The following CHN1 variants were observed in gnomAD, a reference collection of about 807,000 sequenced individuals.
The protein encoded by CHN1 is chimerin 1.
A neutral mutation model predicts 59.5 loss-of-function variants in CHN1; 37 were observed. That is an observed-to-expected ratio of 0.62 (90% confidence interval 0.48 to 0.82). The LOEUF (loss-of-function observed/expected upper bound fraction) is 0.82, where lower values mean the gene tolerates loss of function less well. Among genes scored for constraint, CHN1 ranks in the 40% least tolerant of loss-of-function variants. CHN1 has a pLI of 0.00. For synonymous variants in CHN1, 206 were observed against 200.4 expected, an observed-to-expected ratio of 1.03 and a Z score of -0.24; for missense variants, 469 against 571.0, an observed-to-expected ratio of 0.82 and a Z score of 1.82.
chr2:174,998,344 A>C (rs1363434952), intron 1 of CHN1, among the ~76,000 whole-genome samples: 1 of 150,230 alleles, frequency 6.7e-6, no homozygotes, highest in Non-Finnish European at 1.5e-5. Flanking sequence ...AAAAAAAAAA[A>C]CATACTTTAA....
intron 11 of CHN1, among the ~76,000 whole-genome samples, chr2:174,803,094 G>A (rs1039871226): frequency 1.3e-5 from 2 of 152,098 alleles, no homozygotes; most frequent in Admixed American, 1.3e-4. Flanking sequence ...ACTCCATGCT[G>A]CTGAGTCCTA....
chr2:174,920,414 A>G (rs1181173486), intron 3 of CHN1, among the ~76,000 whole-genome samples: 1 of 152,170 alleles, frequency 6.6e-6, no homozygotes, highest in African/African-American at 2.4e-5. Flanking sequence ...AACTTATTCA[A>G]GGTTACTTGT....
At chr2:174,800,908 A>G (rs1684698764) in intron 12 of CHN1, among the ~76,000 whole-genome samples, 1 of 152,272 alleles carries the variant, frequency 6.6e-6, no homozygotes, top group African/African-American at 2.4e-5. Context: ...TTGTAAGCAC[A>G]TTAAACAAAG....
At chr2:174,835,205 G>A (rs911473647) in intron 7 of CHN1, among the ~76,000 whole-genome samples, 2 of 152,150 alleles carry the variant, frequency 1.3e-5, no homozygotes, top group Admixed American at 6.6e-5. Context: ...CCATCATAAG[G>A]TCAAAAATCA....
In CHN1 at chr2:175,005,059, C is replaced by A; in HGVS notation, c.-147G>T. On this transcript the variant is annotated 5_prime_UTR_variant, in exon 1 of 13. Coordinates refer to ENST00000409900, the MANE Select transcript of CHN1 (RefSeq NM_001822.7). ...GGGGCGCCGGCGCCCGGGGAGGCTG[C>A]AGGCCGGGACGCGGGGGACCGCTGC... is the stretch of plus-strand genomic sequence containing the variant. 7.4e-7 allele frequency: 1 copy of A among 1,347,506 alleles called. No homozygotes were observed. The highest frequency in any genetic ancestry group is 9.6e-7 in the Non-Finnish European group (1 of 1,045,832). The allele number at this position is 1,347,506 out of a possible 1,614,324, so 83.5% of individuals were successfully genotyped here.
rs1382053570 is a variant in CHN1 at position 174,799,837 on chromosome 2, G to A, written c.*279C>T. 1 of 568,576 alleles carries A rather than the reference G, an allele frequency of 1.8e-6. No homozygotes were observed. Among genetic ancestry groups the A allele is most frequent in the Non-Finnish European group, 3.3e-6 (1 of 299,968 alleles). 35.2% of individuals were successfully genotyped at this position (568,576 alleles called of 1,614,324 possible). On this transcript the variant is annotated 3_prime_UTR_variant, in exon 13 of 13. Transcript: ENST00000409900. ...CAGGCGCAGGTTTGTTGTTTCTTCT[G>A]TATGGGGTTTCCTTGCCAGATAGGG...
Position 174,962,680 on chromosome 2 carries a change from G to C in CHN1, c.20-10478C>G, listed in dbSNP as rs1225770623. Among the ~76,000 whole-genome samples the C allele has an allele frequency of 3.5e-5, 3 of 86,778 alleles. 1 individual carries two copies. The highest frequency in any genetic ancestry group is 1.0e-4 in the Admixed American group (1 of 9,862). 56.9% of individuals were successfully genotyped at this position (86,778 alleles called of 152,430 possible). On this transcript the variant is annotated intron_variant, in intron 1 of 12. Transcript: ENST00000409900. ...GGAAGGCCCGGGGGGGGGGGGGGGG[G>C]GGGCAGATCACCTGAGGTCAGGAGT...
rs548182607 is a variant in CHN1, at chr2:174,861,990, G to C, written c.550-15033C>G. Among the ~76,000 whole-genome samples, 15 of 152,286 alleles carry C rather than the reference G, an allele frequency of 9.8e-5. No individual in the cohort carries two copies. The South Asian group carries it at 2.1e-3, about 21-fold the overall frequency. On this transcript the variant is annotated intron_variant, in intron 6 of 12. Transcript: ENST00000409900. ...TTAGAAGGAAAAGGGAATTTAGGCA[G>C]TATCTATCATTAGTAAGCCTAAAGT...
intron 1 of CHN1, among the ~76,000 whole-genome samples, chr2:174,958,886 T>G (rs1690307079): frequency 6.6e-6 from 1 of 152,196 alleles, no homozygotes; most frequent in African/African-American, 2.4e-5. Context: ...TGTTAATGAT[T>G]TCAGCCATGT....
chr2:174,847,308 C>G, intron 6 of CHN1: 1 of 1,327,170 alleles, frequency 7.5e-7, no homozygotes, highest in Non-Finnish European at 9.6e-7. Flanking sequence ...CAGAGGTCGA[C>G]TAACCAGCAA....
At chr2:174,976,157 A>C (rs1690923142) in intron 1 of CHN1, among the ~76,000 whole-genome samples, 1 of 145,478 alleles carries the variant, frequency 6.9e-6, no homozygotes, top group East Asian at 2.0e-4. Context: ...AAAAAAAAGG[A>C]CTAAGATTTT....
At chr2:174,801,590 G>A (rs1281931518) in intron 12 of CHN1, 117 bp downstream of exon 12, 2 of 688,786 alleles carry the variant, frequency 2.9e-6, no homozygotes, top group Middle Eastern at 3.0e-4. Context: ...AGACAATATA[G>A]CTATGCATTT....
intron 7 of CHN1, among the ~76,000 whole-genome samples, chr2:174,826,230 T>C (rs1383918323): frequency 6.6e-6 from 1 of 152,190 alleles, no homozygotes; most frequent in African/African-American, 2.4e-5. Context: ...AAACTCAAAG[T>C]ATTTCCTGGA....
chr2:174,942,489 G>GT (rs1376965702), intron 3 of CHN1, among the ~76,000 whole-genome samples: 2 of 152,066 alleles, frequency 1.3e-5, no homozygotes, highest in Admixed American at 6.6e-5. Flanking sequence ...CAAGACAGTG[G>GT]TATCTAGAGG....
chr2:174,830,151 T>G (rs957508083), intron 7 of CHN1, among the ~76,000 whole-genome samples: 1 of 152,002 alleles, frequency 6.6e-6, no homozygotes, highest in Non-Finnish European at 1.5e-5. Context: ...GAGAATGGCA[T>G]GAACCCAGGA....
chr2:174,823,361 G>T (rs1438675752), intron 8 of CHN1, among the ~76,000 whole-genome samples: 2 of 152,206 alleles, frequency 1.3e-5, no homozygotes, highest in African/African-American at 4.8e-5. Context: ...TTAAGCCTAT[G>T]TCAGAATTTA....
chr2:174,943,246 A>C (rs1181361307), intron 3 of CHN1, among the ~76,000 whole-genome samples: 1 of 151,340 alleles, frequency 6.6e-6, no homozygotes, highest in Non-Finnish European at 1.5e-5. Flanking sequence ...TTTTGTTTTG[A>C]GATGGAGTCT....
At chr2:174,892,201 C>T (rs184033575) in intron 5 of CHN1, among the ~76,000 whole-genome samples, 1 of 152,174 alleles carries the variant, frequency 6.6e-6, no homozygotes, top group Non-Finnish European at 1.5e-5. Flanking sequence ...CCTTCTCAAA[C>T]TCTTCTAAAA....
intron 1 of CHN1, among the ~76,000 whole-genome samples, chr2:174,997,342 C>G (rs1306827536): frequency 6.6e-6 from 1 of 152,108 alleles, no homozygotes; most frequent in Non-Finnish European, 1.5e-5. Flanking sequence ...TAGTAAAGCC[C>G]CACCCTCTAA....
Sources: allele counts gnomAD v4.1 joint callset (sites outside exome capture counted in the v4.1 genomes callset), GRCh38; gene constraint gnomAD v4.1.1; transcripts MANE v1.5; gene names NCBI Gene and HGNC (gene_info 2026-07-23, HGNC 2026-07-21).